LRP1B: variants seen among roughly 807,000 people sequenced by gnomAD.
LRP1B encodes LDL receptor related protein 1B, also known as low-density lipoprotein receptor-related protein 1B.
Under a neutral mutation model 556.6 loss-of-function variants are expected in LRP1B, and 217 were observed. That is an observed-to-expected ratio of 0.39 (90% CI 0.35 to 0.44). LRP1B has a LOEUF of 0.44. Ranked by LOEUF, LRP1B falls within the 20% of genes least tolerant of loss-of-function variation. The probability of loss-of-function intolerance (pLI) is 1.00; values close to 1 mark genes in which losing one functional copy is unlikely to be tolerated. For missense variants in LRP1B, 5,053 were observed against 5,620.8 expected, an observed-to-expected ratio of 0.90 and a Z score of 3.23; for synonymous variants, 2,047 against 1,865.8, an observed-to-expected ratio of 1.10 and a Z score of -2.50.
At chr2:141,013,907 A>T (rs567173866) in intron 13 of LRP1B, among the ~76,000 whole-genome samples, 162 bp from the exon 14 acceptor site, 3 of 152,172 alleles carry the variant, frequency 2.0e-5, no homozygotes, top group Admixed American at 6.6e-5. Flanking sequence ...ATGTGAGCAT[A>T]TTTTTTGTTT....
chr2:140,475,104 T>C (rs1289229389), intron 60 of LRP1B, 34 bp downstream of exon 60: 1 of 1,131,598 alleles, frequency 8.8e-7, no homozygotes, highest in Non-Finnish European at 1.2e-6. Context: ...TATGACCTGG[T>C]AAAATACTAG....
intron 2 of LRP1B, among the ~76,000 whole-genome samples, chr2:141,730,677 C>G (rs907225428): frequency 2.0e-5 from 3 of 151,976 alleles, no homozygotes; most frequent in Admixed American, 1.3e-4. Flanking sequence ...TCAGAGGAAA[C>G]GTTTGTTTCA....
chr2:140,923,315 C>A (rs937228471), intron 20 of LRP1B, among the ~76,000 whole-genome samples, 168 bp from the exon 21 acceptor site: 1 of 151,898 alleles, frequency 6.6e-6, no homozygotes, highest in Non-Finnish European at 1.5e-5. Context: ...TATAAATATA[C>A]TCTAGTATTT....
intron 1 of LRP1B, among the ~76,000 whole-genome samples, chr2:142,055,542 A>T (rs887905251): frequency 6.6e-6 from 1 of 152,168 alleles, no homozygotes; most frequent in Admixed American, 6.5e-5. Flanking sequence ...AGCCTTACAT[A>T]CAACCCATTT....
intron 2 of LRP1B, among the ~76,000 whole-genome samples, chr2:141,502,813 T>C (rs6749472): frequency 0.97 from 146,882 of 150,796 alleles, 71,647 homozygotes; most frequent in East Asian, 1. Context: ...GAGCCAAGAT[T>C]GTGCCACTGT....
intron 35 of LRP1B, among the ~76,000 whole-genome samples, chr2:140,723,007 C>T (rs1009523644): frequency 6.6e-6 from 1 of 152,138 alleles, no homozygotes; most frequent in African/African-American, 2.4e-5. Flanking sequence ...CGCGCCACTG[C>T]ACTCCAGCCT....
intron 43 of LRP1B, among the ~76,000 whole-genome samples, chr2:140,558,265 G>A (rs1308729908): frequency 6.6e-6 from 1 of 152,048 alleles, no homozygotes; most frequent in Non-Finnish European, 1.5e-5. Context: ...GTTTACCCAA[G>A]TAAAATGAAA....
chr2:140,533,236 A>T lies in LRP1B; in HGVS notation c.7762+785T>A, dbSNP rs547756244. ...TCAATGCAATATACATATATATATA[A>T]AAGCCAGTGCTAACATAGCATACAC... On this transcript the variant is annotated intron_variant, in intron 47 of 90. Coordinates refer to ENST00000389484, the MANE Select transcript of LRP1B (RefSeq NM_018557.3). 5.3e-5 allele frequency among the ~76,000 whole-genome samples: 8 copies of T among 151,506 alleles called. No individual in the cohort carries two copies. The South Asian group carries it at 1.0e-3, about 20-fold the overall frequency.
chr2:140,664,938 A>G (rs1374414354), intron 41 of LRP1B, among the ~76,000 whole-genome samples: 8 of 152,156 alleles, frequency 5.3e-5, no homozygotes, highest in Non-Finnish European at 8.8e-5. Context: ...TCATTTCACT[A>G]TAATTGCCAC....
intron 1 of LRP1B, among the ~76,000 whole-genome samples, chr2:141,861,738 T>A (rs1181026660): frequency 6.6e-6 from 1 of 152,170 alleles, no homozygotes; most frequent in Non-Finnish European, 1.5e-5. Flanking sequence ...GAGAACAGCC[T>A]GGCCAACATG....
At chr2:140,233,400 C>T (rs2104871545) in intron 90 of LRP1B, 74 bp from the exon 91 acceptor site, 1 of 998,424 alleles carries the variant, frequency 1.0e-6, no homozygotes, top group Non-Finnish European at 1.4e-6. Flanking sequence ...CCTAGAATGT[C>T]CATCTCCTAA....
At chr2:141,381,885 C>T (rs1689656017) in intron 3 of LRP1B, among the ~76,000 whole-genome samples, 1 of 152,130 alleles carries the variant, frequency 6.6e-6, no homozygotes, top group South Asian at 2.1e-4. Flanking sequence ...AATTCTGCAC[C>T]CACCAACAGA....
At chr2:141,277,593 AAGAT>A (rs1685348714) in intron 3 of LRP1B, among the ~76,000 whole-genome samples, 1 of 152,200 alleles carries the variant, frequency 6.6e-6, no homozygotes, top group South Asian at 2.1e-4. Flanking sequence ...TTGGGAATAA[AAGAT>A]AGCAGATTAT....
intron 52 of LRP1B, among the ~76,000 whole-genome samples, chr2:140,507,611 A>G (rs1689474439): frequency 6.6e-6 from 1 of 152,204 alleles, no homozygotes; most frequent in African/African-American, 2.4e-5. Context: ...AAATTTCAGC[A>G]AAAATTCAAA....
chr2:141,871,212 A>G (rs374209332), intron 1 of LRP1B, among the ~76,000 whole-genome samples: 5 of 152,094 alleles, frequency 3.3e-5, no homozygotes, highest in African/African-American at 1.2e-4. Context: ...AGCTTCTTGC[A>G]CTGTTCACTC....
intron 2 of LRP1B, among the ~76,000 whole-genome samples, chr2:141,743,486 C>CTTT (rs765968445): frequency 8.2e-4 from 89 of 107,976 alleles, no homozygotes; most frequent in Middle Eastern, 5.4e-3. Flanking sequence ...CTGCTTTTTT[C>CTTT]TTTTTTTTTT....
chr2:140,480,426 T>G (rs7597859), intron 59 of LRP1B, among the ~76,000 whole-genome samples: 15,486 of 152,158 alleles, frequency 0.1, 1,212 homozygotes, highest in African/African-American at 0.21. Flanking sequence ...ATTCAAAACA[T>G]GACCTACTAT....
At chr2:141,688,124 C>G (rs1379226517) in intron 2 of LRP1B, among the ~76,000 whole-genome samples, 1 of 151,498 alleles carries the variant, frequency 6.6e-6, no homozygotes, top group African/African-American at 2.4e-5. Context: ...CAAATTAGAA[C>G]AAATACAAGC....
At chr2:141,205,512 A>G (rs1682237585) in intron 6 of LRP1B, among the ~76,000 whole-genome samples, 1 of 152,178 alleles carries the variant, frequency 6.6e-6, no homozygotes, top group African/African-American at 2.4e-5. Context: ...TATTATCTGT[A>G]TTTTATCAAT....
Sources: allele counts gnomAD v4.1 joint callset (sites outside exome capture counted in the v4.1 genomes callset), GRCh38; gene constraint gnomAD v4.1.1; transcripts MANE v1.5; gene names NCBI Gene and HGNC (gene_info 2026-07-23, HGNC 2026-07-21).